Variants in ERG observed in about 807,000 individuals in gnomAD.
ERG encodes ETS transcription factor ERG.
ERG carries 9 observed loss-of-function variants against 55.3 expected under a neutral mutation model. That is an observed-to-expected ratio of 0.16 (90% CI 0.10 to 0.28). ERG has a LOEUF of 0.28. Among genes scored for constraint, ERG ranks in the 10% least tolerant of loss-of-function variants. ERG has a pLI of 1.00. For synonymous variants in ERG, 223 were observed against 237.3 expected (o/e 0.94, Z 0.55); for missense variants, 434 against 631.6 (o/e 0.69, Z 3.35).
intron 1 of ERG, among the ~76,000 whole-genome samples, chr21:38,646,910 G>T (rs2060460496): frequency 6.6e-6 from 1 of 152,172 alleles, no homozygotes; most frequent in Non-Finnish European, 1.5e-5. Flanking sequence ...TCCAAAGCGT[G>T]CAGGGAAAAG....
chr21:38,375,548 T>G (rs1987218249), downstream of ERG, among the ~76,000 whole-genome samples: 1 of 152,118 alleles, frequency 6.6e-6, no homozygotes, highest in African/African-American at 2.4e-5. Context: ...AATAATACAG[T>G]AACCTTATTT....
intron 2 of ERG, among the ~76,000 whole-genome samples, chr21:38,426,028 G>A (rs1279342264): frequency 1.3e-5 from 2 of 152,208 alleles, no homozygotes; most frequent in Non-Finnish European, 2.9e-5. Flanking sequence ...CAGTGAAGAG[G>A]GTACACTGCC....
In ERG at chr21:38,381,655, G is replaced by C; in HGVS notation, c.*1748C>G. On this transcript the variant is annotated 3_prime_UTR_variant, in exon 10 of 10. Coordinates refer to ENST00000288319, the MANE Select transcript of ERG (RefSeq NM_182918.4). ...CCTTACGAGTGGTAGCTTGTTCACTGTTCAACAAATGTATTTTAATCATAG... is the reference window on the plus strand; with the variant it reads ...CCTTACGAGTGGTAGCTTGTTCACTCTTCAACAAATGTATTTTAATCATAG... The C allele has an allele frequency of 9.4e-7, 1 of 1,063,452 alleles. No individual in the cohort carries two copies. The highest frequency in any genetic ancestry group is 5.4e-5 in the Admixed American group (1 of 18,672). 65.9% of individuals were successfully genotyped at this position (1,063,452 alleles called of 1,614,324 possible). A position where few individuals can be genotyped will look rare whatever the true frequency, so the allele number is the denominator to read the frequency against.
intron 2 of ERG, among the ~76,000 whole-genome samples, chr21:38,431,484 T>C (rs1389634638): frequency 6.6e-6 from 1 of 152,142 alleles, no homozygotes; most frequent in Non-Finnish European, 1.5e-5. Context: ...TAAAAATACA[T>C]ATAAGACAAA....
At chr21:38,548,711 G>A (rs1286488617) in intron 2 of ERG, among the ~76,000 whole-genome samples, 1 of 145,880 alleles carries the variant, frequency 6.9e-6, no homozygotes, top group Non-Finnish European at 1.5e-5. Flanking sequence ...TGATCTGCCA[G>A]CCTTAACCTC....
At chr21:38,606,500 A>G (rs1281695116) in intron 1 of ERG, among the ~76,000 whole-genome samples, 1 of 152,234 alleles carries the variant, frequency 6.6e-6, no homozygotes, top group Non-Finnish European at 1.5e-5. Flanking sequence ...GTACATGAAG[A>G]AAAAAACCAA....
chr21:38,610,518 CGCACGCGCGT>C (rs2060219982), intron 1 of ERG, among the ~76,000 whole-genome samples: 1 of 126,548 alleles, frequency 7.9e-6, no homozygotes. Context: ...TCCACGTGCG[CGCACGCGCGT>C]GTGTGTGTGT....
intron 2 of ERG, among the ~76,000 whole-genome samples, chr21:38,424,210 C>G (rs1300498206): frequency 6.8e-6 from 1 of 146,270 alleles, no homozygotes; most frequent in Non-Finnish European, 1.5e-5. Context: ...CTCTCTCTCT[C>G]TCTCTCTCTC....
At chr21:38,530,208 C>T (rs1281054334) in intron 2 of ERG, among the ~76,000 whole-genome samples, 1 of 151,898 alleles carries the variant, frequency 6.6e-6, no homozygotes, top group African/African-American at 2.4e-5. Flanking sequence ...TATAGGCGCA[C>T]ACCACCATGC....
intron 2 of ERG, among the ~76,000 whole-genome samples, chr21:38,517,538 G>A (rs549631228): frequency 6.6e-6 from 1 of 152,150 alleles, no homozygotes; most frequent in African/African-American, 2.4e-5. Context: ...AGCCACTATA[G>A]AAAACAGTAG....
At chr21:38,407,160 T>G (rs1382591732) in intron 3 of ERG, among the ~76,000 whole-genome samples, 1 of 152,122 alleles carries the variant, frequency 6.6e-6, no homozygotes, top group African/African-American at 2.4e-5. Flanking sequence ...CCTAAGGAAA[T>G]AATAGAGGAT....
intron 2 of ERG, among the ~76,000 whole-genome samples, chr21:38,560,740 A>G (rs2059888025): frequency 6.6e-6 from 1 of 152,212 alleles, no homozygotes; most frequent in Non-Finnish European, 1.5e-5. Context: ...AAAATTTAAT[A>G]TAATTCCAAT....
chr21:38,572,401 G>GAAATCATA (rs2059964603), intron 2 of ERG, among the ~76,000 whole-genome samples: 1 of 143,916 alleles, frequency 6.9e-6, no homozygotes, highest in African/African-American at 2.6e-5. Flanking sequence ...TTCCTTCCCA[G>GAAATCATA]AAATCATAGC....
chr21:38,556,078 A>G (rs964566233), intron 2 of ERG, among the ~76,000 whole-genome samples: 1 of 152,160 alleles, frequency 6.6e-6, no homozygotes, highest in Non-Finnish European at 1.5e-5. Context: ...TGTATAGAAT[A>G]TACATAGGAT....
chr21:38,387,451 C>G (rs555873440), intron 9 of ERG, among the ~76,000 whole-genome samples: 6 of 152,294 alleles, frequency 3.9e-5, no homozygotes, highest in African/African-American at 9.6e-5. Flanking sequence ...TTGGAGTTGC[C>G]ACTGCTTCAG....
At chr21:38,617,731 C>T (rs1039489042) in intron 1 of ERG, among the ~76,000 whole-genome samples, 5 of 152,102 alleles carry the variant, frequency 3.3e-5, no homozygotes, top group African/African-American at 7.2e-5. Context: ...TTAGATGGTA[C>T]AGAGATGTCC....
intron 1 of ERG, among the ~76,000 whole-genome samples, chr21:38,604,079 T>A (rs1336415265): frequency 1.4e-5 from 2 of 143,810 alleles, no homozygotes; most frequent in Non-Finnish European, 3.0e-5. Context: ...AAACCCCGTC[T>A]CTACTAAAAA....
chr21:38,487,255 A>C (rs2059295040), intron 1 of ERG, among the ~76,000 whole-genome samples: 1 of 152,172 alleles, frequency 6.6e-6, no homozygotes, highest in Admixed American at 6.5e-5. Context: ...AGACAAAAAA[A>C]ATCAAAAAAG....
chr21:38,400,414 G>T lies in ERG; in HGVS notation c.745+160C>A, dbSNP rs755519180. On this transcript the variant is annotated intron_variant, in intron 6 of 9. Transcript: ENST00000288319. Reference sequence around the variant, plus strand: ...GGTCTTTGAATGAAATGGTTTGAGTGGATTTAGTCTCCAAATCAACAGAGG... The same window carrying T: ...GGTCTTTGAATGAAATGGTTTGAGTTGATTTAGTCTCCAAATCAACAGAGG... The T allele has an allele frequency of 4.4e-5, 33 of 753,356 alleles. 1 individual carries two copies. The South Asian group carries it at 4.4e-4, about 10-fold the overall frequency. The allele number at this position is 753,356 out of a possible 1,614,324, so 46.7% of individuals were successfully genotyped here.
Sources: gnomAD v4.1 joint callset for allele counts (sites outside exome capture counted in the v4.1 genomes callset) on GRCh38, gnomAD v4.1.1 for gene constraint, MANE v1.5 for transcripts, NCBI Gene and HGNC (gene_info 2026-07-23, HGNC 2026-07-21) for gene names.